Variants in SPTBN1 observed in about 807,000 individuals in gnomAD.
The protein encoded by SPTBN1 is spectrin beta, non-erythrocytic 1.
Under a neutral mutation model 266.4 loss-of-function variants are expected in SPTBN1, and 32 were observed. The observed-to-expected ratio is 0.12, with a 90% CI of 0.09 to 0.16. The LOEUF (loss-of-function observed/expected upper bound fraction) is 0.16, where lower values mean the gene tolerates loss of function less well. Ranked by LOEUF, SPTBN1 falls within the 10% of genes least tolerant of loss-of-function variation. The probability of loss-of-function intolerance (pLI) is 1.00; values close to 1 mark genes in which losing one functional copy is unlikely to be tolerated. For synonymous variants in SPTBN1, 1,336 were observed against 1,162.2 expected (o/e 1.15, Z -3.04); for missense variants, 2,296 against 3,067.1 (o/e 0.75, Z 5.94).
rs570463117 is a variant in SPTBN1, at chr2:54,649,386, C to T, written c.5202+196C>T. Among the ~76,000 whole-genome samples the T allele has an allele frequency of 7.9e-5, 12 of 152,184 alleles. No individual in the cohort carries two copies. The highest frequency in any genetic ancestry group is 1.3e-4 in the Non-Finnish European group (9 of 68,036). ...TGGCTAACCTCTCTGTGCACCCCTT[C>T]CTCCGGTAGTAAAAGGAGGTGGAGG... On this transcript the variant is annotated intron_variant, in intron 25 of 35. Transcript: ENST00000356805. This position sits in a 1 kb window ranked among gnomAD's most constrained non-coding sequence, Gnocchi z 6.7.
At position 54,558,018 on chromosome 2, in the gene SPTBN1, T is replaced by C. The variant is rs771335110; in HGVS notation, c.148+31452T>C. On this transcript the variant is annotated intron_variant, in intron 2 of 35. Coordinates refer to ENST00000356805, the MANE Select transcript of SPTBN1 (RefSeq NM_003128.3). This position sits in a 1 kb window ranked among gnomAD's most constrained non-coding sequence, Gnocchi z 4.6. The stretch of plus-strand genomic sequence containing the variant: ...AATGAGCCGCGCGGGCCCGGGACCC[T>C]TGGGGCTCTTCACTCTCCAGGCCGT... 135 of 983,278 alleles carry C rather than the reference T, an allele frequency of 1.4e-4. No individual in the cohort carries two copies. Among genetic ancestry groups the C allele is most frequent in the Non-Finnish European group, 1.5e-4 (128 of 829,478 alleles). The allele number at this position is 983,278 out of a possible 1,614,324, so 60.9% of individuals were successfully genotyped here.
intron 16 of SPTBN1, 145 bp downstream of exon 16, chr2:54,631,756 C>A: frequency 9.1e-7 from 1 of 1,097,348 alleles, no homozygotes; most frequent in Non-Finnish European, 1.3e-6. Flanking sequence ...TTTCCCCATA[C>A]TCTTAAGGCA....
chr2:54,496,094 G>T (rs1227273927), intron 1 of SPTBN1, among the ~76,000 whole-genome samples: 2 of 151,994 alleles, frequency 1.3e-5, no homozygotes, highest in Admixed American at 6.6e-5. Flanking sequence ...TGGGAACTCT[G>T]TTGTTCCCAA....
chr2:54,457,679 G>C (rs916433368), intron 1 of SPTBN1, among the ~76,000 whole-genome samples: 4 of 152,172 alleles, frequency 2.6e-5, no homozygotes, highest in African/African-American at 9.6e-5. Flanking sequence ...ACGGCCGCTC[G>C]GCGCCTGCGG....
chr2:54,602,019 T>C (rs1279244653), intron 3 of SPTBN1, among the ~76,000 whole-genome samples: 1 of 152,196 alleles, frequency 6.6e-6, no homozygotes, highest in Non-Finnish European at 1.5e-5. Context: ...ATGATCTGTG[T>C]CCAGAAGTGT....
At chr2:54,511,247 T>G (rs918606406) in intron 1 of SPTBN1, among the ~76,000 whole-genome samples, 15 of 152,254 alleles carry the variant, frequency 9.9e-5, no homozygotes, top group South Asian at 2.1e-4. Context: ...CACATTTACT[T>G]TAACTGACTT....
chr2:54,550,351 A>G (rs1672495394), intron 2 of SPTBN1, among the ~76,000 whole-genome samples: 1 of 152,198 alleles, frequency 6.6e-6, no homozygotes, highest in Non-Finnish European at 1.5e-5. Flanking sequence ...GATCAGCAGA[A>G]GCTCAGGTGC....
At chr2:54,566,288 A>C (rs1002432904) in intron 2 of SPTBN1, among the ~76,000 whole-genome samples, 5 of 150,656 alleles carry the variant, frequency 3.3e-5, no homozygotes, top group African/African-American at 1.2e-4. Context: ...TCCGGGTTCA[A>C]GCAATTCTCT....
chr2:54,474,368 C>T (rs932307842), intron 1 of SPTBN1, among the ~76,000 whole-genome samples: 2 of 152,034 alleles, frequency 1.3e-5, no homozygotes, highest in Non-Finnish European at 2.9e-5. Flanking sequence ...GTTAAAAGTG[C>T]TGACCGTGGA....
At chr2:54,637,982 CTTAA>C in intron 18 of SPTBN1, among the ~76,000 whole-genome samples, 179 bp downstream of exon 18, 1 of 152,294 alleles carries the variant, frequency 6.6e-6, no homozygotes, top group African/African-American at 2.4e-5. Flanking sequence ...CAAGGTACAG[CTTAA>C]TTAGATCATT....
At chr2:54,551,823 C>T (rs547794478) in intron 2 of SPTBN1, among the ~76,000 whole-genome samples, 18 of 152,128 alleles carry the variant, frequency 1.2e-4, no homozygotes, top group Non-Finnish European at 1.8e-4. Context: ...TATCTTTTGT[C>T]CTCTCTTTTT....
In SPTBN1 at chr2:54,653,768, A is replaced by G. The variant is rs1408033692; in HGVS notation, c.5737A>G (p.Lys1913Glu). 6.2e-7 allele frequency: 1 copy of G among 1,614,226 alleles called. No individual in the cohort carries two copies. Residue 1913 changes from lysine to glutamate, a missense_variant, in exon 27 of 36, where the codon AAG becomes GAG. Lys to Glu is a moderately conservative substitution (Grantham distance 56). Around this residue, in one of 12 missense-constraint regions of SPTBN1, gnomAD observed 644 missense variants for 745.3 expected, o/e 0.86. Transcript: ENST00000356805. This position sits in a 1 kb window ranked among gnomAD's most constrained non-coding sequence, Gnocchi z 5.1. ...GGTGCGGCTGGTGGACACAGGGGAC[A>G]AGTTCCGCTTCTTCAGCATGGTGCG... ...RRVRLVDTGD[K>E]FRFFSMVRDL... is the part of the protein sequence containing the mutation.
intron 1 of SPTBN1, among the ~76,000 whole-genome samples, chr2:54,522,653 A>AG (rs1670517766): frequency 4.7e-5 from 2 of 42,176 alleles, no homozygotes; most frequent in South Asian, 1.3e-3. Flanking sequence ...AGAAAGAGAG[A>AG]GAGAAAGAGA....
chr2:54,574,740 C>G (rs1452474600), intron 2 of SPTBN1, among the ~76,000 whole-genome samples: 1 of 152,170 alleles, frequency 6.6e-6, no homozygotes, highest in Non-Finnish European at 1.5e-5. Flanking sequence ...TCACACCCTT[C>G]CACCACTTTG....
At chr2:54,486,795 G>C (rs572842310) in intron 1 of SPTBN1, among the ~76,000 whole-genome samples, 1 of 151,478 alleles carries the variant, frequency 6.6e-6, no homozygotes, top group South Asian at 2.1e-4. Context: ...AAGAAATGAA[G>C]AAAGGGATGA....
chr2:54,613,623 C>T (rs12467653), intron 4 of SPTBN1, among the ~76,000 whole-genome samples: 43,034 of 152,116 alleles, frequency 0.28, 7,562 homozygotes, highest in Non-Finnish European at 0.35. Flanking sequence ...CCTAGTAGTT[C>T]TGATTAAGTA....
chr2:54,494,786 A>T (rs1668875741), intron 1 of SPTBN1, among the ~76,000 whole-genome samples: 1 of 152,178 alleles, frequency 6.6e-6, no homozygotes. Context: ...TGGGAAACTT[A>T]GGAGTGATGG....
At chr2:54,505,103 A>C (rs1055745972) in intron 1 of SPTBN1, among the ~76,000 whole-genome samples, 1 of 152,256 alleles carries the variant, frequency 6.6e-6, no homozygotes, top group Admixed American at 6.5e-5. Flanking sequence ...TTATTTTGAA[A>C]TATCTTCTGA....
chr2:54,526,765 A>C (rs533272963), intron 2 of SPTBN1, 199 bp downstream of exon 2: 110 of 501,178 alleles, frequency 2.2e-4, no homozygotes, highest in Non-Finnish European at 3.5e-4. Flanking sequence ...TAATGGCCAA[A>C]ATTATTCAGA....
Sources: gnomAD v4.1 joint callset for allele counts (sites outside exome capture counted in the v4.1 genomes callset) on GRCh38, gnomAD v4.1.1 for gene constraint, gnomAD v4.1.1 regional missense constraint, Gnocchi (gnomAD v3.1) non-coding constraint, MANE v1.5 for transcripts, NCBI Gene and HGNC (gene_info 2026-07-23, HGNC 2026-07-21) for gene names.